CCDC73: variants seen among roughly 807,000 people sequenced by gnomAD.
The protein encoded by CCDC73 is coiled-coil domain-containing protein 73.
A neutral mutation model predicts 116.5 loss-of-function variants in CCDC73; 95 were observed. That is an observed-to-expected ratio of 0.82 (90% CI 0.69 to 0.97). The LOEUF is 0.97. Ranked by LOEUF, CCDC73 falls within the 50% of genes least tolerant of loss-of-function variation. CCDC73 has a pLI of 0.00. For synonymous variants in CCDC73, 398 were observed against 401.3 expected, an observed-to-expected ratio of 0.99 and a Z score of 0.10; for missense variants, 1,066 against 1,206.8, an observed-to-expected ratio of 0.88 and a Z score of 1.73.
intron 4 of CCDC73, among the ~76,000 whole-genome samples, chr11:32,701,711 T>G (rs72895301): frequency 0.031 from 4,789 of 152,060 alleles, 124 homozygotes; most frequent in East Asian, 0.13. Flanking sequence ...ATAAAAATAA[T>G]GACATTTTAA....
the CCDC73 span, among the ~76,000 whole-genome samples, chr11:32,801,109 C>T: frequency 6.6e-6 from 1 of 152,236 alleles, no homozygotes; most frequent in Middle Eastern, 3.4e-3. Flanking sequence ...TATACAACAA[C>T]ATAAAAAGGA....
chr11:32,822,067 G>A, the CCDC73 span, among the ~76,000 whole-genome samples: 1 of 152,128 alleles, frequency 6.6e-6, no homozygotes, highest in Non-Finnish European at 1.5e-5. Context: ...TTGAAGGGAG[G>A]GGAATACCAG....
chr11:32,688,110 T>C (rs757110015), intron 6 of CCDC73, among the ~76,000 whole-genome samples: 5 of 152,190 alleles, frequency 3.3e-5, no homozygotes, highest in Non-Finnish European at 5.9e-5. Flanking sequence ...CAAAGTTCTC[T>C]TCACAAAACA....
chr11:32,660,323 T>C (rs1855911820), intron 9 of CCDC73, among the ~76,000 whole-genome samples: 1 of 138,660 alleles, frequency 7.2e-6, no homozygotes, highest in African/African-American at 2.7e-5. Flanking sequence ...ATGGTACCCC[T>C]CCAGGGCTGC....
Position 32,614,668 on chromosome 11 carries a change from T to A in CCDC73, c.1650A>T (p.Ile550=), listed in dbSNP as rs1379277720. The A allele has an allele frequency of 6.2e-7, 1 of 1,613,150 alleles. No individual in the cohort carries two copies. Among genetic ancestry groups the A allele is most frequent in the Non-Finnish European group, 8.5e-7 (1 of 1,179,518 alleles). The change falls in exon 16 of 18, where the codon ATA becomes ATT. Residue 550 remains isoleucine, a synonymous_variant. Transcript: ENST00000335185. The part of the protein sequence containing the change: ...VLDTAIETEK[I]HLERTRGLDV... ...CTAATCCTCTGGTTCTTTCTAGATG[T>A]ATTTTTTCTGTTTCTATTGCTGTAT...
chr11:32,755,816 CAT>C (rs1441503405), intron 2 of CCDC73, among the ~76,000 whole-genome samples: 27 of 117,078 alleles, frequency 2.3e-4, no homozygotes, highest in East Asian at 6.8e-4. Flanking sequence ...TATATATCTC[CAT>C]ATATATGTGT....
At chr11:32,771,013 T>C (rs1850488972) in intron 1 of CCDC73, among the ~76,000 whole-genome samples, 1 of 152,154 alleles carries the variant, frequency 6.6e-6, no homozygotes. Context: ...TATACAAGGA[T>C]CTCAAGGGCG....
the CCDC73 span, chr11:32,830,404 C>G: frequency 7.6e-5 from 77 of 1,015,772 alleles, no homozygotes; most frequent in Non-Finnish European, 9.6e-5. Flanking sequence ...GGCGCTCTTG[C>G]GCCTAGGCTT....
intron 2 of CCDC73, among the ~76,000 whole-genome samples, chr11:32,750,257 TGACGACCACCACTGG>T (rs1330220204): frequency 6.6e-6 from 1 of 152,188 alleles, no homozygotes; most frequent in Non-Finnish European, 1.5e-5. Context: ...AGCACCCCTG[TGACGACCACCACTGG>T]GACTGCACTG....
At chr11:32,812,387 C>T in the CCDC73 span, among the ~76,000 whole-genome samples, 6 of 152,194 alleles carry the variant, frequency 3.9e-5, no homozygotes, top group Non-Finnish European at 5.9e-5. Flanking sequence ...AGGCATAGGC[C>T]GGGCGCAGTG....
At chr11:32,636,160 G>A (rs532368001) in intron 13 of CCDC73, among the ~76,000 whole-genome samples, 175 of 152,146 alleles carry the variant, frequency 1.2e-3, no homozygotes, top group African/African-American at 4.1e-3. Flanking sequence ...TCTGAGGACC[G>A]TGTCCTTAAT....
intron 1 of CCDC73, among the ~76,000 whole-genome samples, chr11:32,789,602 T>C (rs1359406038): frequency 6.9e-6 from 1 of 145,740 alleles, no homozygotes; most frequent in Non-Finnish European, 1.5e-5. Context: ...GAGACCCACA[T>C]CTCTACAAAA....
intron 2 of CCDC73, among the ~76,000 whole-genome samples, chr11:32,730,515 G>C (rs1850065848): frequency 6.6e-6 from 1 of 152,114 alleles, no homozygotes; most frequent in Admixed American, 6.5e-5. Context: ...AATTATTACT[G>C]AGAAGCCCAC....
At chr11:32,779,229 T>C (rs1344058071) in intron 1 of CCDC73, among the ~76,000 whole-genome samples, 2 of 147,994 alleles carry the variant, frequency 1.4e-5, no homozygotes, top group African/African-American at 2.5e-5. Context: ...ACAAATACTA[T>C]GTTATCATTT....
intron 1 of CCDC73, among the ~76,000 whole-genome samples, chr11:32,768,765 A>G (rs1850466653): frequency 6.6e-6 from 1 of 152,230 alleles, no homozygotes; most frequent in Non-Finnish European, 1.5e-5. Context: ...GGGTCACTTG[A>G]GACCAGGAGT....
intron 2 of CCDC73, among the ~76,000 whole-genome samples, chr11:32,755,693 GTGTA>G (rs1565094209): frequency 4.6e-5 from 2 of 43,176 alleles, no homozygotes; most frequent in African/African-American, 2.0e-4. Context: ...CCATATATAT[GTGTA>G]TATATATATC....
chr11:32,611,343 C>T, intron 16 of CCDC73, 78 bp from the exon 17 acceptor site: 1 of 1,255,702 alleles, frequency 8.0e-7, no homozygotes, highest in Non-Finnish European at 1.1e-6. Context: ...TGTTTCTGAT[C>T]CTATGCTTTT....
chr11:32,700,594 T>C (rs527482251), intron 5 of CCDC73, among the ~76,000 whole-genome samples, 197 bp downstream of exon 5: 4 of 152,318 alleles, frequency 2.6e-5, no homozygotes, highest in African/African-American at 9.6e-5. Context: ...CTGTAAATGA[T>C]GGAAGTGAAG....
In CCDC73 at chr11:32,754,402, TC is replaced by T. The variant is rs548903392; in HGVS notation, c.135+5706del. Among the ~76,000 whole-genome samples, 4 of 151,374 alleles carry T rather than the reference TC, an allele frequency of 2.6e-5. No homozygotes were observed. In the South Asian group the frequency reaches 8.4e-4, roughly 32 times the overall value. ...GGAAGAAATATAAGAGAGTTAAGAG[TC>T]AGAAAGGATAGAATGACATGGGCCA... is the stretch of plus-strand genomic sequence containing the variant. On this transcript the variant is annotated intron_variant, in intron 2 of 17. Transcript: ENST00000335185.
Sources: allele counts gnomAD v4.1 joint callset (sites outside exome capture counted in the v4.1 genomes callset), GRCh38; gene constraint gnomAD v4.1.1; transcripts MANE v1.5; gene names NCBI Gene and HGNC (gene_info 2026-07-23, HGNC 2026-07-21).